The following RARB variants were observed in gnomAD, a reference collection of about 807,000 sequenced individuals.
RARB encodes the protein HBV-activated protein.
A neutral mutation model predicts 51.9 loss-of-function variants in RARB; 17 were observed. The ratio of observed to expected loss-of-function variants is 0.33; its 90% CI spans 0.22 to 0.49. The LOEUF is 0.49. RARB is among the 20% of genes least tolerant of loss of function. The probability of loss-of-function intolerance (pLI) is 0.99; values close to 1 mark genes in which losing one functional copy is unlikely to be tolerated. For synonymous variants in RARB, 215 were observed against 195.4 expected (o/e 1.10, Z -0.84); for missense variants, 369 against 550.8 (o/e 0.67, Z 3.30).
intron 5 of RARB, among the ~76,000 whole-genome samples, chr3:25,237,600 T>C (rs1245933652): frequency 6.6e-6 from 1 of 152,164 alleles, no homozygotes; most frequent in African/African-American, 2.4e-5. Flanking sequence ...TAGTTATATA[T>C]TATAAAGTTC....
intron 4 of RARB, among the ~76,000 whole-genome samples, chr3:25,161,804 C>T (rs1036472845): frequency 6.6e-6 from 1 of 152,152 alleles, no homozygotes; most frequent in African/African-American, 2.4e-5. Context: ...TCTAGATATT[C>T]CCTGAAGATG....
chr3:24,930,606 C>T (rs1339558105), intron 2 of RARB, among the ~76,000 whole-genome samples: 1 of 152,102 alleles, frequency 6.6e-6, no homozygotes, highest in Non-Finnish European at 1.5e-5. Context: ...ACATGCTTGT[C>T]TATCAAACAT....
intron 2 of RARB, among the ~76,000 whole-genome samples, chr3:24,888,233 A>C (rs1703300940): frequency 1.3e-5 from 2 of 152,304 alleles, no homozygotes; most frequent in East Asian, 3.9e-4. Context: ...CTATAACACA[A>C]ATAATGATAA....
chr3:25,255,677 A>C lies in RARB; in HGVS notation c.178+81102A>C, dbSNP rs181952074. Among the ~76,000 whole-genome samples, 335 of 152,196 alleles carry C rather than the reference A, an allele frequency of 2.2e-3. 1 individual carries two copies. The highest frequency in any genetic ancestry group is 7.7e-3 in the African/African-American group (319 of 41,528). On this transcript the variant is annotated intron_variant, in intron 5 of 11. Transcript: ENST00000383772. Reference sequence around the variant, plus strand: ...AATTTTAGTCTTTGATTGTAGAGAGACTTTGCGTTATATTAGAGTGGTTTA... The same window carrying C: ...AATTTTAGTCTTTGATTGTAGAGAGCCTTTGCGTTATATTAGAGTGGTTTA...
intron 5 of RARB, among the ~76,000 whole-genome samples, chr3:25,262,904 T>A (rs1376676794): frequency 1.3e-5 from 2 of 152,230 alleles, no homozygotes; most frequent in African/African-American, 4.8e-5. Context: ...TTAGTAAATA[T>A]TGTCATAAGC....
intron 2 of RARB, among the ~76,000 whole-genome samples, chr3:25,497,884 A>G (rs970936132): frequency 6.6e-6 from 1 of 152,296 alleles, no homozygotes; most frequent in Non-Finnish European, 1.5e-5. Flanking sequence ...TAGGTGGGAA[A>G]GATCCATGGC....
At chr3:24,913,879 C>T (rs149394840) in intron 2 of RARB, among the ~76,000 whole-genome samples, 10 of 152,252 alleles carry the variant, frequency 6.6e-5, no homozygotes, top group East Asian at 3.9e-4. Flanking sequence ...TAGTGACATT[C>T]GGGGTTTACT....
At chr3:24,891,059 G>T (rs148157411) in intron 2 of RARB, among the ~76,000 whole-genome samples, 1 of 152,160 alleles carries the variant, frequency 6.6e-6, no homozygotes, top group Non-Finnish European at 1.5e-5. Flanking sequence ...AGCTCAGTGC[G>T]TTTCAGTCTG....
At chr3:25,147,622 C>T (rs762270032) in intron 4 of RARB, among the ~76,000 whole-genome samples, 14 of 152,098 alleles carry the variant, frequency 9.2e-5, no homozygotes, top group Admixed American at 2.0e-4. Context: ...TTCTTGAATA[C>T]GGAGGATAAA....
At chr3:25,245,434 G>C (rs1702534819) in intron 5 of RARB, among the ~76,000 whole-genome samples, 1 of 152,086 alleles carries the variant, frequency 6.6e-6, no homozygotes, top group East Asian at 1.9e-4. Context: ...TTTTGCAGTG[G>C]CTGGTACCGG....
intron 5 of RARB, among the ~76,000 whole-genome samples, chr3:25,220,383 A>G (rs976278662): frequency 6.6e-6 from 1 of 152,220 alleles, no homozygotes; most frequent in Non-Finnish European, 1.5e-5. Context: ...TTTTTGGAGA[A>G]GGCATGATAT....
chr3:24,985,108 A>T (rs193088156), intron 2 of RARB, among the ~76,000 whole-genome samples: 2 of 152,208 alleles, frequency 1.3e-5, no homozygotes, highest in Non-Finnish European at 2.9e-5. Context: ...TTAATGACCA[A>T]TACAGCTAGC....
intron 5 of RARB, among the ~76,000 whole-genome samples, chr3:25,323,368 C>T (rs1704625981): frequency 6.6e-6 from 1 of 152,160 alleles, no homozygotes; most frequent in Admixed American, 6.5e-5. Flanking sequence ...AACAGCCTAC[C>T]ACAATAGAGG....
intron 2 of RARB, among the ~76,000 whole-genome samples, chr3:25,022,252 C>G (rs570814762): frequency 2.6e-5 from 4 of 152,172 alleles, no homozygotes; most frequent in Non-Finnish European, 5.9e-5. Flanking sequence ...CTTGTCATTA[C>G]TCACCCTAAG....
At chr3:24,959,266 A>G (rs1198712417) in intron 2 of RARB, among the ~76,000 whole-genome samples, 2 of 152,070 alleles carry the variant, frequency 1.3e-5, no homozygotes, top group African/African-American at 2.4e-5. Context: ...TCCAGGAAAA[A>G]TCAGGTCACA....
intron 3 of RARB, among the ~76,000 whole-genome samples, chr3:25,128,369 C>T (rs1699893731): frequency 6.7e-6 from 1 of 150,218 alleles, no homozygotes; most frequent in Non-Finnish European, 1.5e-5. Context: ...CCTAGACTTA[C>T]ATGAAATTAT....
intron 4 of RARB, among the ~76,000 whole-genome samples, chr3:25,165,303 A>T (rs1700542317): frequency 6.6e-6 from 1 of 151,812 alleles, no homozygotes; most frequent in Non-Finnish European, 1.5e-5. Context: ...CTGTAGTCTC[A>T]TGGCTTCTGC....
chr3:25,080,837 T>C (rs1698979724), intron 3 of RARB, among the ~76,000 whole-genome samples: 1 of 152,168 alleles, frequency 6.6e-6, no homozygotes, highest in African/African-American at 2.4e-5. Flanking sequence ...TTTTTTCTAC[T>C]TTTAAGGTTT....
At chr3:24,938,530 C>T (rs1297017906) in intron 2 of RARB, among the ~76,000 whole-genome samples, 1 of 152,086 alleles carries the variant, frequency 6.6e-6, no homozygotes, top group East Asian at 1.9e-4. Flanking sequence ...CCAGTAACTC[C>T]AAACCCAGAG....
Sources: gnomAD v4.1 joint callset for allele counts (sites outside exome capture counted in the v4.1 genomes callset) on GRCh38, gnomAD v4.1.1 for gene constraint, MANE v1.5 for transcripts, NCBI Gene and HGNC (gene_info 2026-07-23, HGNC 2026-07-21) for gene names.